The following NELL1 variants were observed in gnomAD, a reference collection of about 807,000 sequenced individuals.
NELL1 encodes the protein neural EGFL like 1.
Under a neutral mutation model 107.4 loss-of-function variants are expected in NELL1, and 76 were observed. That is an observed-to-expected ratio of 0.71 (90% confidence interval 0.59 to 0.86). The LOEUF is 0.86. Among genes scored for constraint, NELL1 ranks in the 40% least tolerant of loss-of-function variants. The probability of loss-of-function intolerance (pLI) is 0.00; values close to 1 mark genes in which losing one functional copy is unlikely to be tolerated. For synonymous variants in NELL1, 353 were observed against 341.2 expected, an observed-to-expected ratio of 1.03 and a Z score of -0.38; for missense variants, 1,024 against 1,005.5, an observed-to-expected ratio of 1.02 and a Z score of -0.25.
chr11:21,100,706 C>T (rs1337704497), intron 12 of NELL1, among the ~76,000 whole-genome samples: 4 of 152,174 alleles, frequency 2.6e-5, no homozygotes, highest in African/African-American at 9.7e-5. Context: ...ATCCCAACCA[C>T]ATATAGAGGG....
Position 21,041,240 on chromosome 11 carries a change from A to G in NELL1, c.1301-72349A>G, listed in dbSNP as rs185997547. On this transcript the variant is annotated intron_variant, in intron 12 of 19. Coordinates refer to ENST00000357134, the MANE Select transcript of NELL1 (RefSeq NM_006157.5). ...TCTCAGCAAGTCTCTCCACTGCTTT[A>G]AAACTAATCTTCCACGTCAATAAGG... Among the ~76,000 whole-genome samples the G allele has an allele frequency of 2.6e-5, 4 of 152,172 alleles. No homozygotes were observed. The East Asian group carries it at 7.7e-4, about 29-fold the overall frequency.
intron 10 of NELL1, among the ~76,000 whole-genome samples, chr11:20,945,201 T>A (rs1042374963): frequency 6.6e-6 from 1 of 152,050 alleles, no homozygotes; most frequent in Admixed American, 6.5e-5. Flanking sequence ...CCAGTGAGGG[T>A]GTGGGGGATG....
intron 13 of NELL1, among the ~76,000 whole-genome samples, chr11:21,114,280 T>C (rs185652772): frequency 2.2e-3 from 328 of 152,098 alleles, no homozygotes; most frequent in Non-Finnish European, 3.8e-3. Flanking sequence ...TTATGGGGCA[T>C]TTGGTTTGGC....
chr11:21,274,808 G>T (rs137892390), intron 14 of NELL1, among the ~76,000 whole-genome samples: 2 of 152,016 alleles, frequency 1.3e-5, no homozygotes, highest in African/African-American at 4.8e-5. Flanking sequence ...TACTGGGTAC[G>T]TAACGAAATG....
chr11:20,721,558 T>A (rs1855389074), intron 2 of NELL1, among the ~76,000 whole-genome samples: 2 of 152,176 alleles, frequency 1.3e-5, no homozygotes. Flanking sequence ...ATGATATGTG[T>A]CAATTCTGCT....
At chr11:21,160,058 ATTTCT>A (rs1287552577) in intron 13 of NELL1, among the ~76,000 whole-genome samples, 2 of 152,194 alleles carry the variant, frequency 1.3e-5, no homozygotes, top group African/African-American at 4.8e-5. Flanking sequence ...GAGCAACCAC[ATTTCT>A]TTTCTGTTTT....
intron 5 of NELL1, among the ~76,000 whole-genome samples, chr11:20,912,110 T>C (rs1194757478): frequency 6.6e-6 from 1 of 152,220 alleles, no homozygotes; most frequent in Non-Finnish European, 1.5e-5. Flanking sequence ...TTAAATATTA[T>C]TATGTTGCCT....
chr11:21,021,478 A>T (rs531996150), intron 12 of NELL1, among the ~76,000 whole-genome samples: 1 of 152,232 alleles, frequency 6.6e-6, no homozygotes, highest in African/African-American at 2.4e-5. Context: ...TTAAAACATT[A>T]AACTTATTTT....
intron 14 of NELL1, among the ~76,000 whole-genome samples, chr11:21,288,784 T>C (rs886375727): frequency 5.9e-5 from 9 of 152,204 alleles, no homozygotes; most frequent in African/African-American, 2.2e-4. Context: ...GGGTTCTTCT[T>C]ATCAGCAGTA....
intron 3 of NELL1, among the ~76,000 whole-genome samples, chr11:20,813,033 A>G (rs1398668708): frequency 1.3e-5 from 2 of 148,640 alleles, no homozygotes; most frequent in African/African-American, 2.5e-5. Flanking sequence ...AAAAAAAAAA[A>G]AAAAAAAAAA....
At chr11:21,364,410 CAAAAAAAAAAAAAA>C (rs71034511) in intron 14 of NELL1, among the ~76,000 whole-genome samples, 7 of 75,612 alleles carry the variant, frequency 9.3e-5, no homozygotes, top group South Asian at 5.0e-4. Context: ...GACTCTGTCT[CAAAAAAAAAAAAAA>C]AAAAAAAAAA....
At chr11:20,747,012 G>A (rs1268222690) in intron 2 of NELL1, among the ~76,000 whole-genome samples, 1 of 152,150 alleles carries the variant, frequency 6.6e-6, no homozygotes, top group Non-Finnish European at 1.5e-5. Flanking sequence ...CTGATTATTG[G>A]TCTGCTCCCC....
At chr11:20,835,328 G>T (rs1848514626) in intron 3 of NELL1, among the ~76,000 whole-genome samples, 1 of 150,942 alleles carries the variant, frequency 6.6e-6, no homozygotes, top group African/African-American at 2.5e-5. Flanking sequence ...GTAAGTGCTT[G>T]TTGCTTACTT....
chr11:20,715,182 T>A (rs1485322671), intron 2 of NELL1, among the ~76,000 whole-genome samples: 1 of 151,940 alleles, frequency 6.6e-6, no homozygotes, highest in African/African-American at 2.4e-5. Flanking sequence ...GAGGTGGAGC[T>A]TGCAGTGAGT....
intron 15 of NELL1, among the ~76,000 whole-genome samples, chr11:21,409,959 A>G (rs1456722270): frequency 6.6e-6 from 1 of 152,108 alleles, no homozygotes; most frequent in Non-Finnish European, 1.5e-5. Flanking sequence ...AAATGAGTTT[A>G]AATTTTTTTA....
intron 14 of NELL1, among the ~76,000 whole-genome samples, chr11:21,290,529 C>G (rs545369565): frequency 1.3e-5 from 2 of 152,308 alleles, no homozygotes; most frequent in African/African-American, 4.8e-5. Flanking sequence ...GGGTCCCTGA[C>G]CCCTGTGCCT....
Position 21,275,944 on chromosome 11 carries a change from A to G in NELL1, c.1549+46490A>G, listed in dbSNP as rs578080413. ...CTATGACAAATCCACAGCCAATATC[A>G]TACTGAATAGGCAAAAACTGGAAGC... On this transcript the variant is annotated intron_variant, in intron 14 of 19. Transcript: ENST00000357134. Among the ~76,000 whole-genome samples, 50 of 152,340 alleles carry G rather than the reference A, an allele frequency of 3.3e-4. 1 individual carries two copies. The highest frequency in any genetic ancestry group is 7.2e-4 in the Admixed American group (11 of 15,298).
chr11:21,021,536 T>C (rs927992943), intron 12 of NELL1, among the ~76,000 whole-genome samples: 2 of 152,106 alleles, frequency 1.3e-5, no homozygotes, highest in African/African-American at 4.8e-5. Flanking sequence ...GAAAGCTTTA[T>C]TATTGCTAAT....
intron 2 of NELL1, among the ~76,000 whole-genome samples, chr11:20,706,498 TCA>T (rs1564871630): frequency 8.2e-6 from 1 of 121,888 alleles, no homozygotes; most frequent in East Asian, 2.9e-4. Flanking sequence ...AAGGGGAACA[TCA>T]CACACTGGGG....
Sources: allele counts gnomAD v4.1 joint callset (sites outside exome capture counted in the v4.1 genomes callset), GRCh38; gene constraint gnomAD v4.1.1; transcripts MANE v1.5; gene names NCBI Gene and HGNC (gene_info 2026-07-23, HGNC 2026-07-21).